NAV2: variants seen among roughly 807,000 people sequenced by gnomAD.
NAV2 encodes neuron navigator 2.
In NAV2, 54 loss-of-function variants were observed where a neutral mutation model predicts 223.2. That is an observed-to-expected ratio of 0.24 (90% CI 0.19 to 0.30). The LOEUF (loss-of-function observed/expected upper bound fraction) is 0.30. Among genes scored for constraint, NAV2 ranks in the 10% least tolerant of loss-of-function variants. The pLI is 1.00. For missense variants in NAV2, 2,806 were observed against 3,147.5 expected (o/e 0.89, Z 2.60); for synonymous variants, 1,279 against 1,239.3 (o/e 1.03, Z -0.67).
chr11:19,794,261 T>A (rs1292121832), intron 1 of NAV2, among the ~76,000 whole-genome samples: 1 of 152,198 alleles, frequency 6.6e-6, no homozygotes, highest in Non-Finnish European at 1.5e-5. Context: ...TCTCACTCCA[T>A]CTAAGCCAGC....
At chr11:19,504,227 A>T (rs1194277637) in intron 1 of NAV2, 1 of 152,230 alleles carries the variant, frequency 6.6e-6, no homozygotes, top group Non-Finnish European at 1.5e-5. Flanking sequence ...ATGCAAAATG[A>T]AATATCCACT....
intron 1 of NAV2, among the ~76,000 whole-genome samples, chr11:19,692,246 A>G (rs1285875728): frequency 1.3e-5 from 2 of 152,232 alleles, no homozygotes; most frequent in Admixed American, 6.5e-5. Context: ...CGAAGTCCGC[A>G]AACATCTTCC....
At chr11:19,783,224 T>G (rs543713947) in intron 1 of NAV2, among the ~76,000 whole-genome samples, 17 of 152,336 alleles carry the variant, frequency 1.1e-4, no homozygotes, top group African/African-American at 3.4e-4. Context: ...AGTTTCAGGA[T>G]TCAAGACTAC....
At chr11:19,771,248 A>G (rs1430344225) in intron 1 of NAV2, among the ~76,000 whole-genome samples, 1 of 152,190 alleles carries the variant, frequency 6.6e-6, no homozygotes, top group African/African-American at 2.4e-5. Context: ...CATAACAACA[A>G]ATGAAATGCA....
At chr11:20,038,897 G>A (rs908941852) in intron 12 of NAV2, among the ~76,000 whole-genome samples, 6 of 152,280 alleles carry the variant, frequency 3.9e-5, no homozygotes, top group East Asian at 1.9e-4. Flanking sequence ...AAACAGCCTC[G>A]TATAGCTGAT....
chr11:19,534,736 A>G (rs2044133413), intron 1 of NAV2, among the ~76,000 whole-genome samples: 1 of 152,178 alleles, frequency 6.6e-6, no homozygotes. Context: ...GGTGGAGTAG[A>G]GGAGGAAAAC....
intron 1 of NAV2, among the ~76,000 whole-genome samples, chr11:19,486,001 C>T (rs1464760270): frequency 6.6e-6 from 1 of 152,160 alleles, no homozygotes; most frequent in Non-Finnish European, 1.5e-5. Flanking sequence ...CCACCTGATG[C>T]CAGCAGACAA....
At position 19,701,585 on chromosome 11, in the gene NAV2, G is replaced by A. The variant is rs112799287; in HGVS notation, c.76-130899G>A. ...CAGGGAGACTAACTTTGTTTGGTTC[G>A]TATTTGAGGCACTTCCAGACTGCCT... is the stretch of plus-strand genomic sequence containing the variant. On this transcript the variant is annotated intron_variant, in intron 1 of 37. Coordinates refer to the NAV2 transcript ENST00000360655. Among the ~76,000 whole-genome samples the A allele has an allele frequency of 1.4e-3, 219 of 152,284 alleles. 2 individuals are homozygous for A. The Middle Eastern group carries it at 0.017, about 12-fold the overall frequency.
At chr11:19,698,538 G>A (rs187840372) in intron 1 of NAV2, among the ~76,000 whole-genome samples, 69 of 152,348 alleles carry the variant, frequency 4.5e-4, no homozygotes, top group Admixed American at 4.4e-3. Context: ...ACCTGTGAGA[G>A]GCCTCCTGGC....
In NAV2 at chr11:19,713,716, C is replaced by T. The variant is rs1219630430; in HGVS notation, c.21C>T (p.Ala7=). ...AGAAGATGCCGGCCATCCTGGTCGCCTCCAAAATGAAGTCGGGACTGCCCA... is the reference window on the plus strand; with the variant it reads ...AGAAGATGCCGGCCATCCTGGTCGCTTCCAAAATGAAGTCGGGACTGCCCA... MPAILV[A]SKMKSGLPKP... is the part of the protein sequence containing the mutation. The change falls in exon 1 of 38, where the codon GCC becomes GCT. Residue 7 remains alanine, a synonymous_variant. Coordinates refer to ENST00000349880, the MANE Select transcript of NAV2 (RefSeq NM_145117.5). The surrounding 1 kb of genome is among the most constrained non-coding windows in gnomAD (Gnocchi z 7.2). The T allele has an allele frequency of 3.2e-6, 5 of 1,579,736 alleles. No individual in the cohort carries two copies. The Admixed American group carries it at 7.1e-5, about 22-fold the overall frequency.
chr11:19,982,064 C>T (rs534298823), intron 10 of NAV2, among the ~76,000 whole-genome samples: 1 of 151,946 alleles, frequency 6.6e-6, no homozygotes, highest in African/African-American at 2.4e-5. Flanking sequence ...TAGATTTGAA[C>T]AAAATAAGAA....
chr11:19,739,728 A>G (rs74484517), intron 1 of NAV2, among the ~76,000 whole-genome samples: 4,987 of 152,212 alleles, frequency 0.033, 235 homozygotes, highest in African/African-American at 0.1. Context: ...TCCCTAGCTA[A>G]ACCTCTCTTT....
intron 1 of NAV2, among the ~76,000 whole-genome samples, chr11:19,807,713 C>T (rs2058649045): frequency 6.6e-6 from 1 of 152,228 alleles, no homozygotes; most frequent in African/African-American, 2.4e-5. Context: ...CTCACCCACC[C>T]ACTAGGTTTG....
chr11:19,497,023 G>T (rs929450340), intron 1 of NAV2, among the ~76,000 whole-genome samples: 2 of 152,148 alleles, frequency 1.3e-5, no homozygotes, highest in Admixed American at 6.5e-5. Context: ...CTGTCAAGTG[G>T]AGAGTATAAT....
intron 1 of NAV2, among the ~76,000 whole-genome samples, chr11:19,457,228 G>T (rs550953407): frequency 5.6e-4 from 86 of 152,314 alleles, no homozygotes; most frequent in African/African-American, 1.9e-3. Flanking sequence ...AGGAAGTAAT[G>T]ATAAATACTG....
chr11:19,468,153 T>C (rs2133911747), intron 1 of NAV2, among the ~76,000 whole-genome samples: 1 of 152,322 alleles, frequency 6.6e-6, no homozygotes, highest in Non-Finnish European at 1.5e-5. Flanking sequence ...CATCCCCAAC[T>C]CCACTACTCA....
chr11:19,880,039 C>G lies in NAV2; in HGVS notation c.682C>G (p.Gln228Glu). Reference sequence around the variant, plus strand: ...GTGCCAGGCTGGCACCCCTCAGCAGCAGGTGCCAGTCACTCCCCAAGCCCC... The same window carrying G: ...GTGCCAGGCTGGCACCCCTCAGCAGGAGGTGCCAGTCACTCCCCAAGCCCC... Reference protein sequence around the residue: ...SQCQAGTPQQQVPVTPQAPCQ... With the variant: ...SQCQAGTPQQEVPVTPQAPCQ... Residue 228 changes from glutamine to glutamate, a missense_variant, in exon 5 of 38, where the codon CAG (glutamine) becomes GAG (glutamate). Physicochemically the swap from Gln to Glu is conservative, Grantham distance 29. Coordinates refer to ENST00000349880, the MANE Select transcript of NAV2 (RefSeq NM_145117.5). 6.2e-7 allele frequency: 1 copy of G among 1,613,700 alleles called. No homozygotes were observed. The highest frequency in any genetic ancestry group is 1.1e-5 in the South Asian group (1 of 91,040).
chr11:19,460,960 G>T (rs1852136204), intron 1 of NAV2, among the ~76,000 whole-genome samples: 1 of 152,086 alleles, frequency 6.6e-6, no homozygotes, highest in Non-Finnish European at 1.5e-5. Context: ...CATGCTTCTG[G>T]TGGGATTCAT....
intron 6 of NAV2, among the ~76,000 whole-genome samples, chr11:19,896,873 C>T (rs775551009): frequency 1.3e-5 from 2 of 152,200 alleles, no homozygotes; most frequent in Non-Finnish European, 2.9e-5. Flanking sequence ...CCAGCTATCC[C>T]CATTACTGGG....
Sources: gnomAD v4.1 joint callset for allele counts (sites outside exome capture counted in the v4.1 genomes callset) on GRCh38, gnomAD v4.1.1 for gene constraint, Gnocchi (gnomAD v3.1) non-coding constraint, MANE v1.5 for transcripts, NCBI Gene and HGNC (gene_info 2026-07-23, HGNC 2026-07-21) for gene names.